The following MAP4K5 variants were observed in gnomAD, a reference collection of about 807,000 sequenced individuals.
The protein encoded by MAP4K5 is MAPK/ERK kinase kinase kinase 5.
MAP4K5 carries 82 observed loss-of-function variants against 135.6 expected under a neutral mutation model. That is an observed-to-expected ratio of 0.60 (90% CI 0.51 to 0.73). The LOEUF (loss-of-function observed/expected upper bound fraction) is 0.73. MAP4K5 is among the 30% of genes least tolerant of loss of function. MAP4K5 has a pLI of 0.00. For missense variants in MAP4K5, 907 were observed against 1,010.9 expected (o/e 0.90, Z 1.39); for synonymous variants, 347 against 335.0 (o/e 1.04, Z -0.39).
At chr14:50,539,298 G>A (rs1356133073) in intron 2 of MAP4K5, among the ~76,000 whole-genome samples, 1 of 152,154 alleles carries the variant, frequency 6.6e-6, no homozygotes, top group Admixed American at 6.5e-5. Flanking sequence ...TGCTGTAACA[G>A]TGAGGTTTAC....
intron 13 of MAP4K5, among the ~76,000 whole-genome samples, chr14:50,460,517 C>T (rs2036689720): frequency 6.6e-6 from 1 of 152,142 alleles, no homozygotes; most frequent in South Asian, 2.1e-4. Context: ...TCTAATTCTA[C>T]ATTTATGCAA....
chr14:50,521,196 T>C (rs529453327), intron 2 of MAP4K5, among the ~76,000 whole-genome samples: 1 of 152,298 alleles, frequency 6.6e-6, no homozygotes, highest in East Asian at 1.9e-4. Flanking sequence ...AATGACCAAG[T>C]GATAACCAGG....
chr14:50,545,554 G>A (rs1397625121), intron 1 of MAP4K5, among the ~76,000 whole-genome samples: 5 of 152,180 alleles, frequency 3.3e-5, no homozygotes, highest in African/African-American at 9.7e-5. Flanking sequence ...AGCATGTAGT[G>A]CAAGGACCTA....
chr14:50,471,114 C>A (rs2139848940), intron 9 of MAP4K5, among the ~76,000 whole-genome samples: 1 of 152,176 alleles, frequency 6.6e-6, no homozygotes, highest in Non-Finnish European at 1.5e-5. Flanking sequence ...ATCAACCCAT[C>A]ACCTTGGTAT....
At chr14:50,478,055 T>C (rs1194107161) in intron 6 of MAP4K5, among the ~76,000 whole-genome samples, 7 of 152,164 alleles carry the variant, frequency 4.6e-5, no homozygotes, top group Admixed American at 6.5e-5. Flanking sequence ...ATATGTCTGG[T>C]AGAATTTACT....
chr14:50,528,692 G>C (rs1287271551), intron 2 of MAP4K5, among the ~76,000 whole-genome samples: 1 of 152,172 alleles, frequency 6.6e-6, no homozygotes, highest in Non-Finnish European at 1.5e-5. Flanking sequence ...CTGGACTCCA[G>C]CCTAAAGCAC....
intron 2 of MAP4K5, among the ~76,000 whole-genome samples, chr14:50,522,815 G>T (rs998279461): frequency 6.6e-6 from 1 of 152,130 alleles, no homozygotes; most frequent in African/African-American, 2.4e-5. Context: ...GATATCAAAT[G>T]TCAGAGAAAT....
At chr14:50,520,015 G>C (rs1354529923) in intron 2 of MAP4K5, among the ~76,000 whole-genome samples, 1 of 152,096 alleles carries the variant, frequency 6.6e-6, no homozygotes, top group African/African-American at 2.4e-5. Context: ...GGTCAAGAAG[G>C]CACGGGGCAC....
At chr14:50,426,976 A>G (rs1242062159) in intron 30 of MAP4K5, among the ~76,000 whole-genome samples, 2 of 152,226 alleles carry the variant, frequency 1.3e-5, no homozygotes, top group African/African-American at 2.4e-5. Context: ...TGGGAACATA[A>G]TTAAGCTCAA....
intron 3 of MAP4K5, among the ~76,000 whole-genome samples, chr14:50,497,205 T>C (rs2037613259): frequency 6.6e-6 from 1 of 150,994 alleles, no homozygotes; most frequent in Non-Finnish European, 1.5e-5. Flanking sequence ...TGGTTCATAA[T>C]AAGTAAATAT....
rs112170177 is a variant in MAP4K5 at position 50,510,287 on chromosome 14, C to T, written c.109-5430G>A. ...TCAGATTAATCAGAAGTGAATAGCTCGGTCTCTGATCTGAAAACTGTCCTC... is the reference window on the plus strand; with the variant it reads ...TCAGATTAATCAGAAGTGAATAGCTTGGTCTCTGATCTGAAAACTGTCCTC... On this transcript the variant is annotated intron_variant, in intron 2 of 32. Transcript: ENST00000682126. 5.3e-5 allele frequency among the ~76,000 whole-genome samples: 8 copies of T among 152,280 alleles called. 1 individual carries two copies. In the South Asian group the frequency reaches 1.7e-3, roughly 32 times the overall value.
chr14:50,528,090 G>C (rs979072264), intron 2 of MAP4K5, among the ~76,000 whole-genome samples: 1 of 152,074 alleles, frequency 6.6e-6, no homozygotes, highest in Non-Finnish European at 1.5e-5. Flanking sequence ...AATAAAAGCT[G>C]CTCAGTTGAC....
In MAP4K5 at chr14:50,436,092, G is replaced by T. The variant is rs113618795; in HGVS notation, c.1883-1027C>A. 2.0e-5 allele frequency among the ~76,000 whole-genome samples: 3 copies of T among 152,218 alleles called. 1 individual carries two copies. Among genetic ancestry groups the T allele is most frequent in the African/African-American group, 7.2e-5 (3 of 41,556 alleles). On this transcript the variant is annotated intron_variant, in intron 26 of 32. Coordinates refer to ENST00000682126, the MANE Select transcript of MAP4K5 (RefSeq NM_006575.6). ...TATTATGTGGCACAAAGATCAATGT[G>T]TAAATTCATTGATCAAACAAAAGAA...
At chr14:50,437,387 C>T in intron 26 of MAP4K5, 89 bp downstream of exon 26, 1 of 1,010,746 alleles carries the variant, frequency 9.9e-7, no homozygotes, top group Non-Finnish European at 1.5e-6. Context: ...ACCTACCCTC[C>T]TTCCTATTTG....
At chr14:50,448,520 G>A (rs765792572) in intron 15 of MAP4K5, among the ~76,000 whole-genome samples, 8 of 151,302 alleles carry the variant, frequency 5.3e-5, no homozygotes, top group Non-Finnish European at 5.9e-5. Context: ...CAAATTCTGC[G>A]TATTTAATAA....
intron 1 of MAP4K5, among the ~76,000 whole-genome samples, chr14:50,544,055 G>T (rs954566293): frequency 2.0e-5 from 3 of 152,194 alleles, no homozygotes; most frequent in African/African-American, 7.2e-5. Flanking sequence ...TTATTGCTCC[G>T]CAAAGGAAAC....
At chr14:50,493,966 C>T (rs531909817) in intron 3 of MAP4K5, among the ~76,000 whole-genome samples, 8 of 148,910 alleles carry the variant, frequency 5.4e-5, no homozygotes, top group Non-Finnish European at 1.2e-4. Context: ...CCAGCCTGGG[C>T]GACAGAGTGA....
At chr14:50,519,819 T>C (rs1289609858) in intron 2 of MAP4K5, among the ~76,000 whole-genome samples, 2 of 152,066 alleles carry the variant, frequency 1.3e-5, no homozygotes, top group Non-Finnish European at 2.9e-5. Flanking sequence ...TCTTTACTAC[T>C]ACATTAAGAA....
chr14:50,425,559 T>G (rs922935942), intron 31 of MAP4K5, among the ~76,000 whole-genome samples: 18 of 152,184 alleles, frequency 1.2e-4, no homozygotes, highest in African/African-American at 4.1e-4. Context: ...AATTTAGATT[T>G]TAAAATATAT....
Sources: gnomAD v4.1 joint callset for allele counts (sites outside exome capture counted in the v4.1 genomes callset) on GRCh38, gnomAD v4.1.1 for gene constraint, MANE v1.5 for transcripts, NCBI Gene and HGNC (gene_info 2026-07-23, HGNC 2026-07-21) for gene names.